NFXL1: variants seen among roughly 807,000 people sequenced by gnomAD.
The protein encoded by NFXL1 is NF-X1-type zinc finger protein NFXL1.
A neutral mutation model predicts 123.3 loss-of-function variants in NFXL1; 66 were observed. The observed-to-expected ratio is 0.54, with a 90% CI of 0.44 to 0.66. The LOEUF (loss-of-function observed/expected upper bound fraction) is 0.66, where lower values mean the gene tolerates loss of function less well. Among genes scored for constraint, NFXL1 ranks in the 30% least tolerant of loss-of-function variants. The probability of loss-of-function intolerance (pLI) is 0.00; values close to 1 mark genes in which losing one functional copy is unlikely to be tolerated. For missense variants in NFXL1, 944 were observed against 1,125.6 expected, an observed-to-expected ratio of 0.84 and a Z score of 2.31; for synonymous variants, 346 against 360.8, an observed-to-expected ratio of 0.96 and a Z score of 0.46.
rs749921322 is a variant in NFXL1, at chr4:47,875,252, C to T, written c.2121G>A (p.Lys707=). 10 of 1,613,174 alleles carry T rather than the reference C, an allele frequency of 6.2e-6. No individual in the cohort carries two copies. The African/African-American group carries it at 1.2e-4, about 19-fold the overall frequency. ...ECLHCEEGCS[K]SRPLGCLHPC... ...GGTGAAGACAACCTAGTGGCCGTGACTTGGAGCACCCTTCCTCACAATGAA... is the reference window on the plus strand; with the variant it reads ...GGTGAAGACAACCTAGTGGCCGTGATTTGGAGCACCCTTCCTCACAATGAA... Residue 707 remains lysine, a synonymous_variant, in exon 18 of 23, where the codon AAG becomes AAA. Transcript: ENST00000507489.
chr4:47,859,859 A>C (rs1478313127), intron 19 of NFXL1, among the ~76,000 whole-genome samples: 4 of 144,778 alleles, frequency 2.8e-5, no homozygotes, highest in East Asian at 4.1e-4. Context: ...AAAAAAAAAA[A>C]AAAAAAAAAA....
intron 17 of NFXL1, among the ~76,000 whole-genome samples, chr4:47,877,683 T>G (rs1023164835): frequency 6.6e-6 from 1 of 151,984 alleles, no homozygotes; most frequent in Non-Finnish European, 1.5e-5. Flanking sequence ...TACACATGTT[T>G]GCACATGAAA....
intron 5 of NFXL1, 57 bp from the exon 6 acceptor site, chr4:47,899,605 G>C (rs940073924): frequency 1.8e-6 from 2 of 1,085,684 alleles, no homozygotes; most frequent in African/African-American, 3.1e-5. Flanking sequence ...CAACATGAGA[G>C]ACAGAAATAT....
intron 20 of NFXL1, 72 bp downstream of exon 20, chr4:47,854,987 A>AAAACAAGAACAAG: frequency 1.6e-6 from 1 of 628,256 alleles, no homozygotes; most frequent in Non-Finnish European, 2.6e-6. Context: ...CATAGATCAA[A>AAAACAAGAACAAG]AAACAAGAAC....
intron 3 of NFXL1, among the ~76,000 whole-genome samples, chr4:47,906,602 A>T (rs1352208420): frequency 1.3e-5 from 2 of 152,224 alleles, no homozygotes; most frequent in African/African-American, 2.4e-5. Flanking sequence ...AATCCTTAAA[A>T]GCAGAATAGT....
chr4:47,898,494 G>A (rs537800465), intron 8 of NFXL1, among the ~76,000 whole-genome samples: 2 of 152,082 alleles, frequency 1.3e-5, no homozygotes, highest in South Asian at 4.2e-4. Flanking sequence ...AGAAGAAGGG[G>A]ACAAGAGCTA....
chr4:47,887,949 T>G (rs950283505), intron 12 of NFXL1, among the ~76,000 whole-genome samples: 12 of 151,924 alleles, frequency 7.9e-5, no homozygotes, highest in African/African-American at 2.9e-4. Context: ...GTTCTAAAAC[T>G]ATAAACACAG....
At chr4:47,895,187 C>T (rs1737013146) in intron 10 of NFXL1, among the ~76,000 whole-genome samples, 1 of 151,998 alleles carries the variant, frequency 6.6e-6, no homozygotes, top group Non-Finnish European at 1.5e-5. Context: ...GTCATCTAGG[C>T]TTTGTTGTTC....
chr4:47,862,281 A>G (rs893807467), intron 19 of NFXL1, among the ~76,000 whole-genome samples: 2 of 152,234 alleles, frequency 1.3e-5, no homozygotes, highest in African/African-American at 2.4e-5. Flanking sequence ...ACAACTTTAT[A>G]GATGAATGTT....
intron 15 of NFXL1, among the ~76,000 whole-genome samples, chr4:47,880,906 GTTGATC>G (rs1015203973): frequency 6.7e-6 from 1 of 150,196 alleles, no homozygotes; most frequent in African/African-American, 2.4e-5. Context: ...AAGCTAAAAA[GTTGATC>G]TTATAGAAAT....
At chr4:47,887,654 T>C (rs1736519940) in intron 12 of NFXL1, among the ~76,000 whole-genome samples, 1 of 152,218 alleles carries the variant, frequency 6.6e-6, no homozygotes, top group Non-Finnish European at 1.5e-5. Flanking sequence ...CGGCATATTA[T>C]ATCTGTTTCT....
At chr4:47,892,307 G>A (rs1215665843) in intron 11 of NFXL1, among the ~76,000 whole-genome samples, 1 of 152,188 alleles carries the variant, frequency 6.6e-6, no homozygotes, top group Non-Finnish European at 1.5e-5. Context: ...GCAGAATCTG[G>A]CTGTCTCATA....
At chr4:47,906,342 T>C (rs1737562788) in intron 3 of NFXL1, among the ~76,000 whole-genome samples, 1 of 152,162 alleles carries the variant, frequency 6.6e-6, no homozygotes. Context: ...ACCATGGCAA[T>C]AACGTGGTTC....
chr4:47,849,275 TAA>T (rs1477168238), intron 22 of NFXL1, among the ~76,000 whole-genome samples: 2 of 152,194 alleles, frequency 1.3e-5, no homozygotes, highest in African/African-American at 4.8e-5. Context: ...AAACTAGTAC[TAA>T]AAGACGATAA....
chr4:47,872,439 GC>G (rs1735499170), intron 18 of NFXL1, among the ~76,000 whole-genome samples: 4 of 148,676 alleles, frequency 2.7e-5, no homozygotes. Context: ...TCCAGCCTGG[GC>G]AACAGAGCGA....
At position 47,862,884 on chromosome 4, in the gene NFXL1, T is replaced by A; in HGVS notation, c.2278A>T (p.Asn760Tyr). The A allele has an allele frequency of 1.3e-6, 2 of 1,582,096 alleles. No individual in the cohort carries two copies. The highest frequency in any genetic ancestry group is 1.7e-6 in the Non-Finnish European group (2 of 1,167,986). Residue 760 changes from asparagine to tyrosine, a missense_variant, in exon 19 of 23, where the codon AAC becomes TAC. By Grantham distance (143) the Asn-to-Tyr change is moderately radical. Coordinates refer to ENST00000507489, the MANE Select transcript of NFXL1 (RefSeq NM_001278624.2). ...TGATTTTTGCAACAACTGAGGAGGT[T>A]CTTTTCATTTACATCAGCTGTGGTT... ...KITTADVNEKNLLSCCKNQCP... is the reference protein window; with the variant it reads ...KITTADVNEKYLLSCCKNQCP...
intron 3 of NFXL1, among the ~76,000 whole-genome samples, chr4:47,908,405 T>C (rs995786835): frequency 6.1e-5 from 8 of 130,610 alleles, no homozygotes; most frequent in Non-Finnish European, 1.3e-4. Flanking sequence ...GCCTGGGCAA[T>C]AGAAGAAGAC....
chr4:47,861,915 C>T (rs1018707437), intron 19 of NFXL1, among the ~76,000 whole-genome samples: 3 of 152,170 alleles, frequency 2.0e-5, no homozygotes, highest in African/African-American at 7.2e-5. Context: ...TGATATTTAA[C>T]ACTTAGTTGT....
rs1245898438 is a variant in NFXL1, at chr4:47,890,812, TA to T, written c.1453-110del. ...GGAAAGCAAAAGATACACTTTTCAC[TA>T]AAAGAAGTATTCAAGAATATCAACA... is the stretch of plus-strand genomic sequence containing the variant. On this transcript the variant is annotated intron_variant, in intron 11 of 22. Transcript: ENST00000507489. 1.2e-5 allele frequency: 7 copies of T among 607,230 alleles called. No individual in the cohort carries two copies. The East Asian group carries it at 2.0e-4, about 17-fold the overall frequency. 37.6% of individuals were successfully genotyped at this position (607,230 alleles called of 1,614,324 possible). A position where few individuals can be genotyped will look rare whatever the true frequency, so the allele number is the denominator to read the frequency against.
Sources: allele counts gnomAD v4.1 joint callset (sites outside exome capture counted in the v4.1 genomes callset), GRCh38; gene constraint gnomAD v4.1.1; transcripts MANE v1.5; gene names NCBI Gene and HGNC (gene_info 2026-07-23, HGNC 2026-07-21).